Variants in DSCAM observed in about 807,000 individuals in gnomAD.
DSCAM encodes DS cell adhesion molecule, also known as cell adhesion molecule DSCAM.
In DSCAM, 47 loss-of-function variants were observed where a neutral mutation model predicts 217.7. That is an observed-to-expected ratio of 0.22 (90% CI 0.17 to 0.28). The LOEUF (loss-of-function observed/expected upper bound fraction) is 0.28. Among genes scored for constraint, DSCAM ranks in the 10% least tolerant of loss-of-function variants. DSCAM has a pLI of 1.00. For missense variants in DSCAM, 2,080 were observed against 2,618.3 expected (o/e 0.79, Z 4.49); for synonymous variants, 1,056 against 1,015.3 (o/e 1.04, Z -0.76).
intron 3 of DSCAM, among the ~76,000 whole-genome samples, chr21:40,633,951 T>C (rs1211560271): frequency 6.6e-6 from 1 of 152,086 alleles, no homozygotes; most frequent in African/African-American, 2.4e-5. Flanking sequence ...TATAAGGTGG[T>C]CTTCTCCCAA....
intron 11 of DSCAM, among the ~76,000 whole-genome samples, chr21:40,211,005 T>C (rs562099681): frequency 6.6e-6 from 1 of 152,358 alleles, no homozygotes; most frequent in Non-Finnish European, 1.5e-5. Context: ...CTTATTCCTA[T>C]CTGTCTGTGT....
At chr21:40,023,617 C>T (rs2088318464) in intron 32 of DSCAM, among the ~76,000 whole-genome samples, 1 of 113,430 alleles carries the variant, frequency 8.8e-6, no homozygotes, top group East Asian at 2.5e-4. Flanking sequence ...CTCTGATGGC[C>T]AGTGATGGTG....
intron 11 of DSCAM, among the ~76,000 whole-genome samples, chr21:40,196,403 T>C (rs1601430248): frequency 6.6e-6 from 1 of 152,228 alleles, no homozygotes; most frequent in East Asian, 1.9e-4. Context: ...GCCTTTAAAA[T>C]AGGCCAGTGC....
chr21:40,117,824 C>T (rs1277793702), intron 20 of DSCAM, among the ~76,000 whole-genome samples: 1 of 152,058 alleles, frequency 6.6e-6, no homozygotes, highest in Admixed American at 6.5e-5. Flanking sequence ...GCACTCGGTG[C>T]CTAATGTGTA....
At chr21:40,831,332 C>T (rs1053832012) in intron 1 of DSCAM, among the ~76,000 whole-genome samples, 1 of 152,122 alleles carries the variant, frequency 6.6e-6, no homozygotes, top group African/African-American at 2.4e-5. Context: ...CACACACAGG[C>T]ATAGCTTATT....
intron 11 of DSCAM, among the ~76,000 whole-genome samples, chr21:40,216,710 G>A (rs1403774935): frequency 2.6e-5 from 4 of 152,184 alleles, no homozygotes; most frequent in Non-Finnish European, 4.4e-5. Context: ...TGAGACTGTT[G>A]TCACAGCAGC....
chr21:40,713,115 C>A (rs1412817195), intron 1 of DSCAM, among the ~76,000 whole-genome samples: 1 of 152,174 alleles, frequency 6.6e-6, no homozygotes, highest in Non-Finnish European at 1.5e-5. Flanking sequence ...TGATCTCACA[C>A]TTGAAGACCT....
At chr21:40,370,957 T>A (rs2074891551) in intron 3 of DSCAM, among the ~76,000 whole-genome samples, 1 of 152,194 alleles carries the variant, frequency 6.6e-6, no homozygotes, top group Admixed American at 6.5e-5. Flanking sequence ...AAAAATGATT[T>A]ATGAATTATC....
At chr21:40,295,247 T>A (rs1186747003) in intron 10 of DSCAM, among the ~76,000 whole-genome samples, 2 of 151,894 alleles carry the variant, frequency 1.3e-5, no homozygotes, top group Non-Finnish European at 2.9e-5. Flanking sequence ...GGCCCTCAAC[T>A]AATATAGTAC....
chr21:40,017,701 AC>A (rs2146413571), intron 32 of DSCAM, among the ~76,000 whole-genome samples: 1 of 151,952 alleles, frequency 6.6e-6, no homozygotes, highest in African/African-American at 2.4e-5. Context: ...ACAGGCATGC[AC>A]CACCACGCCT....
intron 3 of DSCAM, among the ~76,000 whole-genome samples, chr21:40,579,346 T>G (rs1171405281): frequency 6.6e-6 from 1 of 151,930 alleles, no homozygotes; most frequent in Non-Finnish European, 1.5e-5. Flanking sequence ...AAAGCTGATT[T>G]GATGAAATCA....
At chr21:40,680,841 T>C (rs1411139613) in intron 3 of DSCAM, among the ~76,000 whole-genome samples, 1 of 152,106 alleles carries the variant, frequency 6.6e-6, no homozygotes, top group African/African-American at 2.4e-5. Flanking sequence ...ATTTAGCCAA[T>C]AAAAATTCAG....
At chr21:40,554,842 ATGT>A (rs2076658544) in intron 3 of DSCAM, among the ~76,000 whole-genome samples, 1 of 152,072 alleles carries the variant, frequency 6.6e-6, no homozygotes, top group South Asian at 2.1e-4. Context: ...AACCACCAAC[ATGT>A]TGTACTGGAA....
intron 11 of DSCAM, among the ~76,000 whole-genome samples, chr21:40,243,595 G>A (rs1013482313): frequency 2.0e-5 from 3 of 152,188 alleles, no homozygotes; most frequent in Non-Finnish European, 4.4e-5. Context: ...GTGGGGCCCT[G>A]TGTGACTGCA....
At chr21:40,724,874 C>G (rs2090937932) in intron 1 of DSCAM, among the ~76,000 whole-genome samples, 1 of 152,190 alleles carries the variant, frequency 6.6e-6, no homozygotes, top group African/African-American at 2.4e-5. Context: ...TCATTTTGCT[C>G]TGACCTAAGG....
rs1301282420 is a variant in DSCAM at position 40,805,707 on chromosome 21, C to A, written c.43+40912G>T. ...CTTTATTAAACACAATGTTTTCTTTCTTTTCTTTTCTTTTTTTTTTTAATG... is the reference window on the plus strand; with the variant it reads ...CTTTATTAAACACAATGTTTTCTTTATTTTCTTTTCTTTTTTTTTTTAATG... On this transcript the variant is annotated intron_variant, in intron 1 of 32. Coordinates refer to ENST00000400454, the MANE Select transcript of DSCAM (RefSeq NM_001389.5). Among the ~76,000 whole-genome samples the A allele has an allele frequency of 4.5e-5, 5 of 110,366 alleles. No homozygotes were observed. In the East Asian group the frequency reaches 6.9e-4, roughly 15 times the overall value. 72.4% of individuals were successfully genotyped at this position (110,366 alleles called of 152,430 possible).
intron 1 of DSCAM, among the ~76,000 whole-genome samples, chr21:40,771,527 C>G (rs775502639): frequency 1.1e-4 from 17 of 152,172 alleles, no homozygotes; most frequent in Non-Finnish European, 2.2e-4. Context: ...GGAAGGCTTC[C>G]GGACCAGGTT....
At chr21:40,346,488 T>A (rs952734507) in intron 6 of DSCAM, among the ~76,000 whole-genome samples, 7 of 151,122 alleles carry the variant, frequency 4.6e-5, no homozygotes, top group African/African-American at 1.7e-4. Context: ...ATCAAAATCA[T>A]TTTATTATTT....
At chr21:40,827,550 T>G (rs879783801) in intron 1 of DSCAM, among the ~76,000 whole-genome samples, 4 of 125,196 alleles carry the variant, frequency 3.2e-5, no homozygotes, top group Non-Finnish European at 4.9e-5. Context: ...TCAGCCTCAT[T>G]GACAAAAGCA....
Sources: gnomAD v4.1 joint callset for allele counts (sites outside exome capture counted in the v4.1 genomes callset) on GRCh38, gnomAD v4.1.1 for gene constraint, MANE v1.5 for transcripts, NCBI Gene and HGNC (gene_info 2026-07-23, HGNC 2026-07-21) for gene names.